NTN4: variants seen among roughly 807,000 people sequenced by gnomAD.
NTN4 encodes the protein netrin 4.
A neutral mutation model predicts 73.6 loss-of-function variants in NTN4; 32 were observed. The ratio of observed to expected loss-of-function variants is 0.44; its 90% CI spans 0.33 to 0.58. The LOEUF (loss-of-function observed/expected upper bound fraction) is 0.58. NTN4 is among the 20% of genes least tolerant of loss of function. The pLI is 0.04. For missense variants in NTN4, 654 were observed against 798.3 expected (o/e 0.82, Z 2.18); for synonymous variants, 258 against 287.5 (o/e 0.90, Z 1.04).
intron 2 of NTN4, among the ~76,000 whole-genome samples, chr12:95,756,304 T>TGTAC (rs1296515241): frequency 6.6e-6 from 1 of 152,262 alleles, no homozygotes; most frequent in African/African-American, 2.4e-5. Flanking sequence ...TGTGATTAAC[T>TGTAC]GTACACTGGT....
chr12:95,746,425 A>G (rs1364342261), intron 2 of NTN4, among the ~76,000 whole-genome samples: 1 of 152,064 alleles, frequency 6.6e-6, no homozygotes, highest in Non-Finnish European at 1.5e-5. Context: ...ATAAAAGAAA[A>G]TCTAGCCCCT....
chr12:95,767,963 C>T (rs538768708), intron 2 of NTN4, among the ~76,000 whole-genome samples: 3 of 152,298 alleles, frequency 2.0e-5, no homozygotes, highest in Non-Finnish European at 2.9e-5. Context: ...ACTTATGAGA[C>T]GCTTATCAAG....
chr12:95,744,032 GT>G lies in NTN4; in HGVS notation c.586-5889del, dbSNP rs535369690. 2.0e-4 allele frequency among the ~76,000 whole-genome samples: 31 copies of G among 152,268 alleles called. 1 individual carries two copies. The East Asian group carries it at 5.8e-3, about 29-fold the overall frequency. ...TTCTCATGCCTCAGCCTCCCAGGTA[GT>G]TGGGATTACAGGCTCCTGCCACCAC... is the stretch of plus-strand genomic sequence containing the variant. On this transcript the variant is annotated intron_variant, in intron 2 of 9. Coordinates refer to ENST00000343702, the MANE Select transcript of NTN4 (RefSeq NM_021229.4).
chr12:95,757,275 T>C (rs1436744453), intron 2 of NTN4, among the ~76,000 whole-genome samples: 1 of 152,124 alleles, frequency 6.6e-6, no homozygotes, highest in Admixed American at 6.6e-5. Context: ...TGTGGTATTA[T>C]CCATTCCCCT....
intron 3 of NTN4, among the ~76,000 whole-genome samples, chr12:95,727,405 C>T (rs1279272753): frequency 1.3e-5 from 2 of 152,072 alleles, no homozygotes; most frequent in Non-Finnish European, 2.9e-5. Flanking sequence ...TGATAGCATC[C>T]TTTGATGCAC....
Position 95,710,944 on chromosome 12 carries a change from C to A in NTN4, c.992-315G>T, listed in dbSNP as rs532861140. On this transcript the variant is annotated intron_variant, in intron 4 of 9. Coordinates refer to ENST00000343702, the MANE Select transcript of NTN4 (RefSeq NM_021229.4). The stretch of plus-strand genomic sequence containing the variant: ...GCTTGAACCCAGGAGGTGGAGGTTG[C>A]AGTGAGCTGAGATTGCGCCACTGCA... Among the ~76,000 whole-genome samples the A allele has an allele frequency of 2.6e-5, 4 of 152,288 alleles. No homozygotes were observed. The South Asian group carries it at 8.3e-4, about 32-fold the overall frequency.
At chr12:95,659,933 C>T (rs1428116501) in intron 9 of NTN4, among the ~76,000 whole-genome samples, 3 of 152,120 alleles carry the variant, frequency 2.0e-5, no homozygotes, top group Non-Finnish European at 4.4e-5. Context: ...GGACACTTAT[C>T]ATACTGCCCT....
chr12:95,735,822 A>ACT (rs1326990677), intron 3 of NTN4, among the ~76,000 whole-genome samples: 1 of 152,004 alleles, frequency 6.6e-6, no homozygotes, highest in Non-Finnish European at 1.5e-5. Flanking sequence ...AGTGTTGTTA[A>ACT]CTCTGAAAGT....
chr12:95,744,156 C>G (rs1350555359), intron 2 of NTN4, among the ~76,000 whole-genome samples: 2 of 152,108 alleles, frequency 1.3e-5, no homozygotes, highest in African/African-American at 4.8e-5. Flanking sequence ...CCTGCCTCAG[C>G]CTCCCAAAGT....
intron 7 of NTN4, among the ~76,000 whole-genome samples, chr12:95,676,571 A>C (rs2078274926): frequency 6.6e-6 from 1 of 152,212 alleles, no homozygotes; most frequent in Non-Finnish European, 1.5e-5. Flanking sequence ...ATCCAGCTAA[A>C]AGATCTTATA....
intron 6 of NTN4, among the ~76,000 whole-genome samples, chr12:95,683,050 A>T (rs151039976): frequency 7.6e-4 from 99 of 131,000 alleles, no homozygotes; most frequent in Middle Eastern, 3.9e-3. Flanking sequence ...TTAGACAAAA[A>T]TTATTGGTTT....
intron 2 of NTN4, among the ~76,000 whole-genome samples, chr12:95,774,360 G>A (rs1237521010): frequency 6.6e-6 from 1 of 152,062 alleles, no homozygotes; most frequent in African/African-American, 2.4e-5. Context: ...AGTTAATATT[G>A]GTGCTTAACT....
chr12:95,682,923 T>G (rs941065118), intron 6 of NTN4, 101 bp from the exon 7 acceptor site: 5 of 624,316 alleles, frequency 8.0e-6, no homozygotes, highest in Non-Finnish European at 1.4e-5. Flanking sequence ...TGCCTTCCCA[T>G]TCTTCCTTTT....
chr12:95,781,475 C>T lies in NTN4; in HGVS notation c.585+5464G>A, dbSNP rs1318931184. 3.9e-5 allele frequency among the ~76,000 whole-genome samples: 6 copies of T among 151,978 alleles called. No individual in the cohort carries two copies. The highest frequency in any genetic ancestry group is 1.9e-4 in the East Asian group (1 of 5,186). On this transcript the variant is annotated intron_variant, in intron 2 of 9. Transcript: ENST00000343702. This position sits in a 1 kb window ranked among gnomAD's most constrained non-coding sequence, Gnocchi z 4.1. ...ATAGCAAACCTGGGTGGGAGGAGGGCGAGCATCAGGAAGAATAGCTAATGG... is the reference window on the plus strand; with the variant it reads ...ATAGCAAACCTGGGTGGGAGGAGGGTGAGCATCAGGAAGAATAGCTAATGG...
intron 3 of NTN4, among the ~76,000 whole-genome samples, chr12:95,723,207 T>C (rs763975290): frequency 6.6e-6 from 1 of 152,068 alleles, no homozygotes; most frequent in African/African-American, 2.4e-5. Flanking sequence ...AAATATAGCA[T>C]CTTTTGGGAA....
chr12:95,738,443 CA>C (rs1455004799), intron 2 of NTN4, among the ~76,000 whole-genome samples: 1 of 152,144 alleles, frequency 6.6e-6, no homozygotes, highest in African/African-American at 2.4e-5. Context: ...GAGGGAAGAG[CA>C]AGCTTAAAGG....
intron 8 of NTN4, among the ~76,000 whole-genome samples, chr12:95,668,204 G>T (rs749006852): frequency 6.7e-5 from 10 of 148,680 alleles, no homozygotes; most frequent in Non-Finnish European, 1.0e-4. Context: ...TTTTTTCCAA[G>T]TCTTAGCAGT....
At chr12:95,717,628 T>C (rs756084041) in intron 3 of NTN4, among the ~76,000 whole-genome samples, 55 of 150,326 alleles carry the variant, frequency 3.7e-4, no homozygotes, top group Admixed American at 7.3e-4. Flanking sequence ...TATTTGATGC[T>C]CGTGAAAAAT....
intron 4 of NTN4, among the ~76,000 whole-genome samples, chr12:95,712,415 T>C (rs1010025283): frequency 6.6e-6 from 1 of 152,236 alleles, no homozygotes; most frequent in African/African-American, 2.4e-5. Flanking sequence ...CACTATCATT[T>C]ACTAACTTTG....
Sources: allele counts gnomAD v4.1 joint callset (sites outside exome capture counted in the v4.1 genomes callset), GRCh38; gene constraint gnomAD v4.1.1; non-coding constraint Gnocchi (gnomAD v3.1); transcripts MANE v1.5; gene names NCBI Gene and HGNC (gene_info 2026-07-23, HGNC 2026-07-21).